TCF4: variants seen among roughly 807,000 people sequenced by gnomAD.
TCF4 encodes the protein transcription factor 4.
In TCF4, 3 loss-of-function variants were observed where a neutral mutation model predicts 82.1. That is an observed-to-expected ratio of 0.04 (90% CI 0.02 to 0.09). The LOEUF (loss-of-function observed/expected upper bound fraction) is 0.09, where lower values mean the gene tolerates loss of function less well. Ranked by LOEUF, TCF4 falls within the 10% of genes least tolerant of loss-of-function variation. TCF4 has a pLI of 1.00. For synonymous variants in TCF4, 276 were observed against 309.6 expected (o/e 0.89, Z 1.14); for missense variants, 518 against 852.7 (o/e 0.61, Z 4.89).
intron 2 of TCF4, among the ~76,000 whole-genome samples, chr18:55,607,616 T>C (rs2097703318): frequency 6.6e-6 from 1 of 152,166 alleles, no homozygotes; most frequent in Non-Finnish European, 1.5e-5. Context: ...GTCAAAGAGC[T>C]TCATATGCCA....
At chr18:55,500,172 A>C (rs1363290341) in intron 3 of TCF4, among the ~76,000 whole-genome samples, 1 of 152,030 alleles carries the variant, frequency 6.6e-6, no homozygotes, top group Admixed American at 6.5e-5. Context: ...ACAGAGGGAG[A>C]CTTTGTCTCC....
Position 55,350,104 on chromosome 18 carries a change from A to G in TCF4, c.549+255T>C, listed in dbSNP as rs368916058. Among the ~76,000 whole-genome samples the G allele has an allele frequency of 8.9e-4, 135 of 152,284 alleles. 4 individuals are homozygous for G. The South Asian group carries it at 0.027, about 30-fold the overall frequency. ...GTACAGGTAAAACTCCTCAAACTTC[A>G]GGCACCTTTTCAAGGCTCTCTTTAG... On this transcript the variant is annotated intron_variant, in intron 8 of 19. Transcript: ENST00000354452.
At chr18:55,322,669 C>T (rs2075911504) in intron 8 of TCF4, among the ~76,000 whole-genome samples, 1 of 152,226 alleles carries the variant, frequency 6.6e-6, no homozygotes, top group Non-Finnish European at 1.5e-5. Flanking sequence ...CCAGAGCCTA[C>T]GGAGGGGCTG....
chr18:55,458,663 G>A (rs951572824), intron 5 of TCF4, among the ~76,000 whole-genome samples: 1 of 152,106 alleles, frequency 6.6e-6, no homozygotes, highest in African/African-American at 2.4e-5. Flanking sequence ...TTTGTTCCCC[G>A]AATCTAGCCT....
intron 5 of TCF4, among the ~76,000 whole-genome samples, chr18:55,411,545 T>C (rs1348957006): frequency 6.6e-6 from 1 of 152,190 alleles, no homozygotes; most frequent in East Asian, 1.9e-4. Flanking sequence ...ATTTTCACTA[T>C]GTTCTTAGGC....
At chr18:55,369,164 C>A (rs2145501890) in intron 6 of TCF4, among the ~76,000 whole-genome samples, 1 of 152,218 alleles carries the variant, frequency 6.6e-6, no homozygotes, top group Middle Eastern at 3.4e-3. Context: ...GTATTGAAAC[C>A]TTCCCTAATG....
At chr18:55,417,770 G>A (rs973841900) in intron 5 of TCF4, among the ~76,000 whole-genome samples, 5 of 152,102 alleles carry the variant, frequency 3.3e-5, no homozygotes, top group East Asian at 1.9e-4. Context: ...TTACATTAAG[G>A]CAGAGGAAGA....
chr18:55,223,462 T>G lies in TCF4; in HGVS notation c.*4573A>C, dbSNP rs2046139192. ...AAGTGTCAGAAACAGTTTATAAAAA[T>G]GGCACATTTATTGCTACAGAACGGT... On this transcript the variant is annotated 3_prime_UTR_variant, in exon 20 of 20. Coordinates refer to ENST00000354452, the MANE Select transcript of TCF4 (RefSeq NM_001083962.2). 1 of 152,718 alleles carries G rather than the reference T, an allele frequency of 6.5e-6. No homozygotes were observed. The highest frequency in any genetic ancestry group is 1.5e-5 in the Non-Finnish European group (1 of 68,022). The allele number at this position is 152,718 out of a possible 1,614,324, so 9.5% of individuals were successfully genotyped here.
At chr18:55,624,979 G>T (rs553662166) in intron 2 of TCF4, among the ~76,000 whole-genome samples, 2 of 151,970 alleles carry the variant, frequency 1.3e-5, no homozygotes, top group African/African-American at 4.8e-5. Flanking sequence ...AAAAATAGCC[G>T]ACTTTTTTTT....
At chr18:55,351,579 G>C (rs1469019873) in intron 6 of TCF4, among the ~76,000 whole-genome samples, 2 of 152,030 alleles carry the variant, frequency 1.3e-5, no homozygotes, top group Non-Finnish European at 2.9e-5. Context: ...TACAGAAATA[G>C]CAGATATTCC....
intron 2 of TCF4, chr18:55,631,184 G>A (rs2097731240): frequency 1.1e-5 from 5 of 454,420 alleles, no homozygotes; most frequent in Non-Finnish European, 2.0e-5. Context: ...TGAGTAGTTG[G>A]GACTACAGGC....
At chr18:55,401,838 G>C (rs188383401) in intron 6 of TCF4, 1 of 961,706 alleles carries the variant, frequency 1.0e-6, no homozygotes, top group Non-Finnish European at 1.2e-6. Flanking sequence ...CAGAAAAAGG[G>C]GCCCAGCGAA....
intron 2 of TCF4, among the ~76,000 whole-genome samples, chr18:55,626,969 A>G (rs2097727089): frequency 6.6e-6 from 1 of 152,224 alleles, no homozygotes; most frequent in Admixed American, 6.5e-5. Context: ...GTATATGGAC[A>G]AAAGCTTGAA....
At chr18:55,408,028 G>A (rs531697905) in intron 5 of TCF4, among the ~76,000 whole-genome samples, 100 of 152,160 alleles carry the variant, frequency 6.6e-4, no homozygotes, top group Non-Finnish European at 1.2e-3. Context: ...AGAGACAGAC[G>A]AGCAACTTAT....
At chr18:55,269,988 G>C in intron 10 of TCF4, 25 bp from the exon 11 acceptor site, 1 of 1,612,522 alleles carries the variant, frequency 6.2e-7, no homozygotes, top group Non-Finnish European at 8.5e-7. Flanking sequence ...AGAAAAAGGT[G>C]GCCATATTTA....
At chr18:55,608,369 A>ATTTTTTTTTTTTTTTTTTT in intron 2 of TCF4, among the ~76,000 whole-genome samples, 1 of 117,272 alleles carries the variant, frequency 8.5e-6, no homozygotes, top group Non-Finnish European at 1.7e-5. Context: ...TTGCCACAGT[A>ATTTTTTTTTTTTTTTTTTT]TTTTTTTTTT....
rs1478324689 is a variant in TCF4 at position 55,525,142 on chromosome 18, T to A, written c.145+60138A>T. Among the ~76,000 whole-genome samples, 5 of 152,216 alleles carry A rather than the reference T, an allele frequency of 3.3e-5. No homozygotes were observed. In the East Asian group the frequency reaches 9.7e-4, roughly 29 times the overall value. ...ATAAAGCTAGCTTTCTTAACTACTA[T>A]ATCAGATTTAGGTACAGTTTTAAAT... On this transcript the variant is annotated intron_variant, in intron 3 of 19. Transcript: ENST00000354452.
At chr18:55,599,425 AAAAG>A (rs1165017001) in intron 2 of TCF4, among the ~76,000 whole-genome samples, 3 of 152,336 alleles carry the variant, frequency 2.0e-5, no homozygotes, top group East Asian at 3.9e-4. Context: ...ACTTGAGAAA[AAAAG>A]AAAGCTGCAG....
At chr18:55,229,245 C>T (rs2047185094) in intron 17 of TCF4, 169 bp from the exon 18 acceptor site, 3 of 721,440 alleles carry the variant, frequency 4.2e-6, no homozygotes, top group African/African-American at 1.7e-5. Flanking sequence ...ATGGCTTTGA[C>T]AGTTCACAAT....
Sources: allele counts gnomAD v4.1 joint callset (sites outside exome capture counted in the v4.1 genomes callset), GRCh38; gene constraint gnomAD v4.1.1; transcripts MANE v1.5; gene names NCBI Gene and HGNC (gene_info 2026-07-23, HGNC 2026-07-21).